The following SPAG16 variants were observed in gnomAD, a reference collection of about 807,000 sequenced individuals.
SPAG16 encodes sperm-associated antigen 16 protein.
Under a neutral mutation model 80.4 loss-of-function variants are expected in SPAG16, and 86 were observed. The ratio of observed to expected loss-of-function variants is 1.07; its 90% CI spans 0.90 to 1.28. The LOEUF is 1.28. Ranked by LOEUF, SPAG16 falls within the 50% of genes most tolerant of loss-of-function variation. The pLI is 0.00. For synonymous variants in SPAG16, 294 were observed against 265.9 expected (o/e 1.11, Z -1.03); for missense variants, 870 against 765.3 (o/e 1.14, Z -1.61).
At chr2:213,407,238 G>T (rs2068660303) in intron 9 of SPAG16, among the ~76,000 whole-genome samples, 1 of 152,174 alleles carries the variant, frequency 6.6e-6, no homozygotes, top group South Asian at 2.1e-4. Context: ...GCACAAGTGG[G>T]AAGTGTGCAA....
intron 10 of SPAG16, among the ~76,000 whole-genome samples, chr2:213,741,715 T>C (rs1311523374): frequency 6.6e-6 from 1 of 152,192 alleles, no homozygotes; most frequent in Non-Finnish European, 1.5e-5. Context: ...ATTACATTAG[T>C]CATTTTATAT....
intron 10 of SPAG16, among the ~76,000 whole-genome samples, chr2:213,743,264 G>A (rs578218241): frequency 2.0e-5 from 3 of 152,282 alleles, no homozygotes; most frequent in African/African-American, 7.2e-5. Context: ...CAACTAAAAT[G>A]TATGTTCTGA....
chr2:213,997,168 A>G (rs1187243913), intron 12 of SPAG16, among the ~76,000 whole-genome samples: 3 of 152,104 alleles, frequency 2.0e-5, no homozygotes, highest in African/African-American at 7.2e-5. Flanking sequence ...CATAACCCAC[A>G]CTTTCCCTCC....
At chr2:214,390,860 G>A (rs1203310941) in intron 15 of SPAG16, among the ~76,000 whole-genome samples, 1 of 152,188 alleles carries the variant, frequency 6.6e-6, no homozygotes, top group Non-Finnish European at 1.5e-5. Context: ...AAGAGACAAG[G>A]CCATGTACAA....
chr2:213,711,585 C>T (rs1193769638), intron 10 of SPAG16, among the ~76,000 whole-genome samples: 1 of 150,088 alleles, frequency 6.7e-6, no homozygotes, highest in Non-Finnish European at 1.5e-5. Context: ...TACAATGGTG[C>T]AATCTTGGCT....
rs202075837 is a variant in SPAG16 at position 214,167,994 on chromosome 2, C to CTTTT, written c.1720+18739_1720+18742dup. On this transcript the variant is annotated intron_variant, in intron 15 of 15. Coordinates refer to ENST00000331683, the MANE Select transcript of SPAG16 (RefSeq NM_024532.5). ...GTTTTCTTTTCTTTTTTCTTTTTCT[C>CTTTT]TTTTTTTTTTTTTTGAGATAGAGTC... 2.9e-3 allele frequency among the ~76,000 whole-genome samples: 383 copies of CTTTT among 133,058 alleles called. 3 individuals carry two copies. Among genetic ancestry groups the CTTTT allele is most frequent in the African/African-American group, 6.7e-3 (242 of 36,278 alleles). 87.3% of individuals were successfully genotyped at this position (133,058 alleles called of 152,430 possible).
At chr2:213,358,068 A>G (rs935775150) in intron 7 of SPAG16, among the ~76,000 whole-genome samples, 1 of 152,106 alleles carries the variant, frequency 6.6e-6, no homozygotes, top group African/African-American at 2.4e-5. Context: ...TTCCTTTAAG[A>G]GTGTCGAATA....
intron 14 of SPAG16, among the ~76,000 whole-genome samples, chr2:214,138,411 C>T (rs2055174430): frequency 6.6e-6 from 1 of 152,020 alleles, no homozygotes; most frequent in Non-Finnish European, 1.5e-5. Context: ...GGAAAGCACC[C>T]CTTGCAAAAG....
At chr2:213,737,556 C>T (rs1432474744) in intron 10 of SPAG16, among the ~76,000 whole-genome samples, 2 of 149,418 alleles carry the variant, frequency 1.3e-5, no homozygotes, top group African/African-American at 2.5e-5. Context: ...GGCGCGATCT[C>T]GGCTCACTGC....
chr2:214,163,369 C>A (rs1436676160), intron 15 of SPAG16, among the ~76,000 whole-genome samples: 1 of 151,320 alleles, frequency 6.6e-6, no homozygotes, highest in Non-Finnish European at 1.5e-5. Context: ...TTTTGTTTTT[C>A]TCCCCAATCT....
At chr2:214,387,591 ACGCTGCTAAT>A (rs1432400519) in intron 15 of SPAG16, among the ~76,000 whole-genome samples, 10 of 152,198 alleles carry the variant, frequency 6.6e-5, no homozygotes, top group African/African-American at 2.2e-4. Context: ...GTCCATCCTC[ACGCTGCTAAT>A]AAAGACACAC....
At chr2:214,374,183 C>T (rs974839477) in intron 15 of SPAG16, among the ~76,000 whole-genome samples, 1 of 152,212 alleles carries the variant, frequency 6.6e-6, no homozygotes, top group African/African-American at 2.4e-5. Flanking sequence ...CTTGTAAACA[C>T]TGCCTTTATG....
intron 15 of SPAG16, chr2:214,238,513 C>T (rs1689230992): frequency 6.5e-6 from 1 of 152,804 alleles, no homozygotes; most frequent in Non-Finnish European, 1.5e-5. Flanking sequence ...AATAGTAGTG[C>T]CAAGTTCATA....
At chr2:213,359,522 A>G (rs974292164) in intron 7 of SPAG16, among the ~76,000 whole-genome samples, 8 of 152,316 alleles carry the variant, frequency 5.3e-5, no homozygotes, top group African/African-American at 1.7e-4. Context: ...CTCGCAGGTC[A>G]ATCTCAGACT....
intron 15 of SPAG16, among the ~76,000 whole-genome samples, chr2:214,247,963 C>T (rs898713015): frequency 1.4e-4 from 21 of 151,860 alleles, no homozygotes; most frequent in African/African-American, 4.1e-4. Flanking sequence ...AGGAGGTTGA[C>T]GCTGCAGTGT....
At chr2:213,717,987 A>G (rs2066312392) in intron 10 of SPAG16, among the ~76,000 whole-genome samples, 1 of 152,128 alleles carries the variant, frequency 6.6e-6, no homozygotes, top group South Asian at 2.1e-4. Context: ...CAATGCCAAA[A>G]TTGACAAATG....
chr2:214,193,440 A>T (rs1472452186), intron 15 of SPAG16, among the ~76,000 whole-genome samples: 26 of 147,890 alleles, frequency 1.8e-4, no homozygotes, highest in Non-Finnish European at 3.0e-5. Flanking sequence ...AGAGAGAGAG[A>T]GAGAGAGAGA....
intron 15 of SPAG16, among the ~76,000 whole-genome samples, chr2:214,224,311 G>T (rs547585920): frequency 6.6e-6 from 1 of 152,132 alleles, no homozygotes; most frequent in East Asian, 1.9e-4. Flanking sequence ...ACAATGACTT[G>T]ATTTCTTAAA....
intron 15 of SPAG16, among the ~76,000 whole-genome samples, chr2:214,396,616 A>C (rs1372178642): frequency 1.3e-5 from 2 of 152,102 alleles, no homozygotes; most frequent in Non-Finnish European, 2.9e-5. Flanking sequence ...TTCTTCTTAC[A>C]TGTTCATGTG....
Sources: gnomAD v4.1 joint callset for allele counts (sites outside exome capture counted in the v4.1 genomes callset) on GRCh38, gnomAD v4.1.1 for gene constraint, MANE v1.5 for transcripts, NCBI Gene and HGNC (gene_info 2026-07-23, HGNC 2026-07-21) for gene names.